Variants in SLC35F3 observed in about 807,000 individuals in gnomAD.
The protein encoded by SLC35F3 is solute carrier family 35 member F3, also known as putative thiamine transporter SLC35F3.
A neutral mutation model predicts 49.9 loss-of-function variants in SLC35F3; 25 were observed. The ratio of observed to expected loss-of-function variants is 0.50; its 90% CI spans 0.37 to 0.70. The LOEUF (loss-of-function observed/expected upper bound fraction) is 0.70, where lower values mean the gene tolerates loss of function less well. Among genes scored for constraint, SLC35F3 ranks in the 30% least tolerant of loss-of-function variants. The pLI is 0.00. For synonymous variants in SLC35F3, 275 were observed against 265.4 expected (o/e 1.04, Z -0.35); for missense variants, 525 against 639.8 (o/e 0.82, Z 1.94).
At chr1:234,005,642 G>A (rs1459310026) in intron 2 of SLC35F3, among the ~76,000 whole-genome samples, 1 of 152,210 alleles carries the variant, frequency 6.6e-6, no homozygotes, top group Non-Finnish European at 1.5e-5. Flanking sequence ...TTGTCTCTAT[G>A]CATATGCTAA....
chr1:233,977,817 C>T (rs562061194), intron 2 of SLC35F3, among the ~76,000 whole-genome samples: 1 of 152,248 alleles, frequency 6.6e-6, no homozygotes, highest in South Asian at 2.1e-4. Context: ...TATAAGTCTA[C>T]CAAGCAGGAC....
intron 2 of SLC35F3, among the ~76,000 whole-genome samples, chr1:233,979,982 T>C (rs1572006760): frequency 6.6e-6 from 1 of 152,272 alleles, no homozygotes; most frequent in South Asian, 2.1e-4. Context: ...CCCCTGCACC[T>C]GATCTCCACC....
At chr1:234,318,727 G>A (rs376372057) in intron 5 of SLC35F3, 24 bp from the exon 6 acceptor site, 59 of 1,607,710 alleles carry the variant, frequency 3.7e-5, no homozygotes, top group Middle Eastern at 1.7e-4. Flanking sequence ...CCTTCACCCC[G>A]TCCTCCTCTG....
At chr1:233,992,112 C>G (rs573535198) in intron 2 of SLC35F3, among the ~76,000 whole-genome samples, 1 of 152,176 alleles carries the variant, frequency 6.6e-6, no homozygotes, top group African/African-American at 2.4e-5. Flanking sequence ...CAATCCCAGA[C>G]GGCCGTGGTG....
chr1:234,199,260 AGTC>A (rs1369600465), intron 2 of SLC35F3, among the ~76,000 whole-genome samples: 1 of 152,126 alleles, frequency 6.6e-6, no homozygotes, highest in East Asian at 1.9e-4. Flanking sequence ...AAAAAACAAA[AGTC>A]GTAATGGCAC....
intron 2 of SLC35F3, chr1:234,215,121 G>A (rs888422771): frequency 5.9e-5 from 9 of 152,792 alleles, no homozygotes; most frequent in African/African-American, 1.7e-4. Context: ...CTGCTCTTTG[G>A]GAATGGGCGG....
chr1:234,302,258 A>G (rs1006959328), intron 3 of SLC35F3, among the ~76,000 whole-genome samples: 1 of 152,176 alleles, frequency 6.6e-6, no homozygotes, highest in Non-Finnish European at 1.5e-5. Context: ...GTCAAAGGAA[A>G]CTTTGGGGAC....
At chr1:234,264,762 A>G (rs1023468017) in intron 3 of SLC35F3, among the ~76,000 whole-genome samples, 1 of 152,146 alleles carries the variant, frequency 6.6e-6, no homozygotes, top group Non-Finnish European at 1.5e-5. Flanking sequence ...TGTGTTGCAC[A>G]GGTTGGCTTC....
chr1:234,015,347 CAA>C (rs34202675), intron 2 of SLC35F3, among the ~76,000 whole-genome samples: 27 of 132,296 alleles, frequency 2.0e-4, no homozygotes, highest in East Asian at 4.1e-4. Flanking sequence ...GACTCTATAT[CAA>C]AAAAAAAAAA....
intron 3 of SLC35F3, among the ~76,000 whole-genome samples, chr1:234,245,369 T>C (rs1001564796): frequency 6.6e-5 from 10 of 152,240 alleles, no homozygotes; most frequent in African/African-American, 1.7e-4. Context: ...CATTTGTCCA[T>C]TGATGGACAC....
chr1:233,997,376 G>GA (rs542329099), intron 2 of SLC35F3, among the ~76,000 whole-genome samples: 105 of 151,900 alleles, frequency 6.9e-4, no homozygotes, highest in African/African-American at 2.3e-3. Context: ...CCACAACAAT[G>GA]AAAAAAGGGT....
chr1:233,931,125 C>CA lies in SLC35F3; in HGVS notation c.283+25372dup, dbSNP rs375241771. ...CTGGACCCCTTTCTTACACCTTATACAAAAATCAACTCAAGATGGATTAAA... is the reference window on the plus strand; with the variant it reads ...CTGGACCCCTTTCTTACACCTTATACAAAAAATCAACTCAAGATGGATTAAA... On this transcript the variant is annotated intron_variant, in intron 2 of 7. Coordinates refer to ENST00000366618, the MANE Select transcript of SLC35F3 (RefSeq NM_173508.4). Among the ~76,000 whole-genome samples, 52 of 152,260 alleles carry CA rather than the reference C, an allele frequency of 3.4e-4. 1 individual carries two copies. The highest frequency in any genetic ancestry group is 1.3e-3 in the African/African-American group (52 of 41,546).
chr1:234,119,082 C>A (rs1034993821), intron 2 of SLC35F3, among the ~76,000 whole-genome samples: 25 of 152,012 alleles, frequency 1.6e-4, no homozygotes, highest in African/African-American at 5.8e-4. Context: ...ATGTTAGATC[C>A]CTGTACATCA....
intron 2 of SLC35F3, among the ~76,000 whole-genome samples, chr1:234,124,064 CA>C (rs1405135358): frequency 6.6e-6 from 1 of 152,188 alleles, no homozygotes; most frequent in African/African-American, 2.4e-5. Flanking sequence ...GAGCCAGAAG[CA>C]AAGATATGAT....
rs76415956 is a variant in SLC35F3, at chr1:234,152,189, G to A, written c.284-79228G>A. On this transcript the variant is annotated intron_variant, in intron 2 of 7. Transcript: ENST00000366618. ...AAAGATAATCAATTTTTTGACAGCAGTGCTAAAAGAAAATGGAGTAACATT... is the reference window on the plus strand; with the variant it reads ...AAAGATAATCAATTTTTTGACAGCAATGCTAAAAGAAAATGGAGTAACATT... Among the ~76,000 whole-genome samples the A allele has an allele frequency of 7.3e-3, 1,098 of 150,532 alleles. 19 individuals carry two copies. The highest frequency in any genetic ancestry group is 0.024 in the African/African-American group (986 of 41,054).
chr1:233,960,375 C>G (rs995460368), intron 2 of SLC35F3, among the ~76,000 whole-genome samples: 6 of 152,180 alleles, frequency 3.9e-5, no homozygotes, highest in African/African-American at 1.4e-4. Flanking sequence ...CTCCGTTATC[C>G]TCCAATACAA....
intron 2 of SLC35F3, among the ~76,000 whole-genome samples, chr1:234,048,337 C>T (rs1427877063): frequency 6.6e-6 from 1 of 152,110 alleles, no homozygotes; most frequent in Non-Finnish European, 1.5e-5. Context: ...GTTGGACAAT[C>T]GCTCCATAAA....
At chr1:234,072,593 G>A (rs939189809) in intron 2 of SLC35F3, among the ~76,000 whole-genome samples, 6 of 152,192 alleles carry the variant, frequency 3.9e-5, no homozygotes, top group Non-Finnish European at 8.8e-5. Flanking sequence ...GACCGGGGAA[G>A]TATCTCTGAT....
chr1:234,057,359 A>G (rs1164469787), intron 2 of SLC35F3, among the ~76,000 whole-genome samples: 2 of 152,208 alleles, frequency 1.3e-5, no homozygotes, highest in Non-Finnish European at 2.9e-5. Context: ...TTTAGAATGT[A>G]ACTTTTGCAC....
Sources: allele counts gnomAD v4.1 joint callset (sites outside exome capture counted in the v4.1 genomes callset), GRCh38; gene constraint gnomAD v4.1.1; transcripts MANE v1.5; gene names NCBI Gene and HGNC (gene_info 2026-07-23, HGNC 2026-07-21).